MTUS2: variants seen among roughly 807,000 people sequenced by gnomAD.
MTUS2 encodes the protein microtubule-associated tumor suppressor candidate 2.
Under a neutral mutation model 114.1 loss-of-function variants are expected in MTUS2, and 40 were observed. The observed-to-expected ratio is 0.35, with a 90% CI of 0.27 to 0.46. MTUS2 has a LOEUF of 0.46. MTUS2 is among the 20% of genes least tolerant of loss of function. The pLI is 1.00. For missense variants in MTUS2, 1,679 were observed against 1,705.4 expected, an observed-to-expected ratio of 0.98 and a Z score of 0.27; for synonymous variants, 688 against 672.0, an observed-to-expected ratio of 1.02 and a Z score of -0.37.
chr13:28,956,154 C>G (rs1469859387), intron 2 of MTUS2, among the ~76,000 whole-genome samples: 2 of 150,474 alleles, frequency 1.3e-5, no homozygotes, highest in Admixed American at 1.3e-4. Context: ...TGAGAACATA[C>G]AATGTTTGGT....
chr13:29,408,499 G>T (rs1257435256), intron 8 of MTUS2, among the ~76,000 whole-genome samples: 1 of 152,074 alleles, frequency 6.6e-6, no homozygotes, highest in Non-Finnish European at 1.5e-5. Flanking sequence ...TTTATTTGTA[G>T]TAGAGATGAG....
intron 2 of MTUS2, among the ~76,000 whole-genome samples, chr13:28,940,568 T>G (rs1882175396): frequency 6.6e-6 from 1 of 151,810 alleles, no homozygotes; most frequent in Non-Finnish European, 1.5e-5. Flanking sequence ...GGCAATTAAA[T>G]AAGATGGAGA....
chr13:29,408,272 T>A (rs1398011737), intron 8 of MTUS2, among the ~76,000 whole-genome samples: 3 of 152,202 alleles, frequency 2.0e-5, no homozygotes, highest in Non-Finnish European at 4.4e-5. Flanking sequence ...TAATGATATT[T>A]TGTTATAATC....
At chr13:29,211,445 C>A (rs1419203187) in intron 5 of MTUS2, among the ~76,000 whole-genome samples, 2 of 152,290 alleles carry the variant, frequency 1.3e-5, no homozygotes, top group South Asian at 2.1e-4. Context: ...TATCTGTACT[C>A]CCAGATCACC....
chr13:28,905,016 A>G (rs1305757782), intron 2 of MTUS2, among the ~76,000 whole-genome samples: 2 of 151,682 alleles, frequency 1.3e-5, no homozygotes, highest in East Asian at 1.9e-4. Flanking sequence ...CTTTGAAGCA[A>G]TTGTGAATGG....
At chr13:29,407,081 C>T (rs1874814115) in intron 8 of MTUS2, among the ~76,000 whole-genome samples, 2 of 152,196 alleles carry the variant, frequency 1.3e-5, no homozygotes, top group Middle Eastern at 3.4e-3. Context: ...CCTGTGTCTA[C>T]TAAAAATACA....
At chr13:28,963,522 T>C (rs567337350) in intron 2 of MTUS2, among the ~76,000 whole-genome samples, 2 of 152,338 alleles carry the variant, frequency 1.3e-5, no homozygotes, top group Admixed American at 6.5e-5. Context: ...TGTGTGTATA[T>C]GCACATGCAT....
intron 5 of MTUS2, among the ~76,000 whole-genome samples, chr13:29,249,758 C>A (rs1409759355): frequency 3.3e-5 from 5 of 152,002 alleles, no homozygotes; most frequent in Non-Finnish European, 2.9e-5. Flanking sequence ...CGGTAGGTTG[C>A]CTGTTCACTC....
At chr13:29,175,985 C>G (rs934899981) in intron 5 of MTUS2, among the ~76,000 whole-genome samples, 1 of 152,100 alleles carries the variant, frequency 6.6e-6, no homozygotes, top group Non-Finnish European at 1.5e-5. Flanking sequence ...TTGAAATTTA[C>G]AGTCCCAACT....
chr13:29,184,490 A>G (rs1246158203), intron 5 of MTUS2, among the ~76,000 whole-genome samples: 6 of 152,302 alleles, frequency 3.9e-5, no homozygotes, highest in East Asian at 1.9e-4. Flanking sequence ...TCTCACTTCT[A>G]TCCAAACTTG....
intron 8 of MTUS2, among the ~76,000 whole-genome samples, chr13:29,387,724 A>G (rs1302880686): frequency 6.6e-6 from 1 of 152,146 alleles, no homozygotes; most frequent in Non-Finnish European, 1.5e-5. Flanking sequence ...GTGAAAGATT[A>G]GTTATGGGGG....
At chr13:28,966,956 T>G (rs1883623965) in intron 2 of MTUS2, among the ~76,000 whole-genome samples, 2 of 152,230 alleles carry the variant, frequency 1.3e-5, no homozygotes, top group South Asian at 4.1e-4. Flanking sequence ...AAATTTTCCC[T>G]TGATTAAGTG....
At chr13:28,987,845 A>G (rs567535529) in intron 2 of MTUS2, among the ~76,000 whole-genome samples, 4 of 152,360 alleles carry the variant, frequency 2.6e-5, no homozygotes, top group African/African-American at 9.6e-5. Context: ...AATGGTTAAA[A>G]TGGTACAATT....
chr13:29,139,948 C>G (rs1383294966), intron 5 of MTUS2, among the ~76,000 whole-genome samples: 1 of 152,150 alleles, frequency 6.6e-6, no homozygotes, highest in Non-Finnish European at 1.5e-5. Context: ...TAATCATCAC[C>G]TGCCCTGTAG....
At chr13:29,323,155 A>T (rs1900323256) in intron 6 of MTUS2, among the ~76,000 whole-genome samples, 1 of 152,222 alleles carries the variant, frequency 6.6e-6, no homozygotes, top group South Asian at 2.1e-4. Flanking sequence ...AAACAAGTAG[A>T]AGCTATTTCA....
At chr13:29,260,499 A>G (rs1897430739) in intron 5 of MTUS2, among the ~76,000 whole-genome samples, 1 of 152,222 alleles carries the variant, frequency 6.6e-6, no homozygotes, top group African/African-American at 2.4e-5. Context: ...CTATCGCTCA[A>G]TGTCATTGCC....
chr13:29,389,440 T>TGC (rs1555272482), intron 8 of MTUS2, among the ~76,000 whole-genome samples: 7 of 30,200 alleles, frequency 2.3e-4, no homozygotes, highest in African/African-American at 5.5e-4. Flanking sequence ...CGTGTGTGTA[T>TGC]GTGTATGTAT....
At chr13:28,926,946 A>AT (rs968442038) in intron 2 of MTUS2, among the ~76,000 whole-genome samples, 7 of 152,066 alleles carry the variant, frequency 4.6e-5, no homozygotes, top group African/African-American at 1.7e-4. Context: ...TTGTTCTTGG[A>AT]TTTTTTGGCC....
At chr13:28,967,594 G>A in intron 2 of MTUS2, among the ~76,000 whole-genome samples, 1 of 152,200 alleles carries the variant, frequency 6.6e-6, no homozygotes, top group East Asian at 1.9e-4. Flanking sequence ...CATTCTGAAT[G>A]TTATTCACCA....
Sources: allele counts gnomAD v4.1 joint callset (sites outside exome capture counted in the v4.1 genomes callset), GRCh38; gene constraint gnomAD v4.1.1; transcripts MANE v1.5; gene names NCBI Gene and HGNC (gene_info 2026-07-23, HGNC 2026-07-21).